Variants in FMN1 observed in about 807,000 individuals in gnomAD.
The protein encoded by FMN1 is formin-1.
Under a neutral mutation model 132.4 loss-of-function variants are expected in FMN1, and 110 were observed. That is an observed-to-expected ratio of 0.83 (90% confidence interval 0.71 to 0.97). The LOEUF (loss-of-function observed/expected upper bound fraction) is 0.97, where lower values mean the gene tolerates loss of function less well. Ranked by LOEUF, FMN1 falls within the 50% of genes least tolerant of loss-of-function variation. FMN1 has a pLI of 0.00. For synonymous variants in FMN1, 722 were observed against 651.7 expected, an observed-to-expected ratio of 1.11 and a Z score of -1.64; for missense variants, 1,792 against 1,705.3, an observed-to-expected ratio of 1.05 and a Z score of -0.90.
chr15:32,931,204 T>C (rs931026882), intron 9 of FMN1, among the ~76,000 whole-genome samples: 18 of 152,220 alleles, frequency 1.2e-4, no homozygotes, highest in African/African-American at 4.3e-4. Flanking sequence ...AATTTTAGGA[T>C]TGTTTTTTCC....
intron 9 of FMN1, among the ~76,000 whole-genome samples, chr15:32,928,592 A>G (rs1254833460): frequency 6.6e-6 from 1 of 152,310 alleles, no homozygotes; most frequent in East Asian, 1.9e-4. Context: ...AAGGCAAATA[A>G]AAGCATCACC....
At chr15:33,026,737 C>G (rs2035695880) in intron 6 of FMN1, among the ~76,000 whole-genome samples, 1 of 152,030 alleles carries the variant, frequency 6.6e-6, no homozygotes, top group South Asian at 2.1e-4. Flanking sequence ...AGGTCAGTCT[C>G]TTAAGAGGCA....
chr15:33,084,108 T>C (rs1595436165), intron 5 of FMN1, among the ~76,000 whole-genome samples: 1 of 152,168 alleles, frequency 6.6e-6, no homozygotes, highest in South Asian at 2.1e-4. Context: ...AATTAAGAAA[T>C]AACTACAGGT....
At chr15:32,979,222 C>CT (rs1258652534) in intron 7 of FMN1, among the ~76,000 whole-genome samples, 1 of 152,116 alleles carries the variant, frequency 6.6e-6, no homozygotes, top group Admixed American at 6.5e-5. Context: ...CTCAAACAAG[C>CT]TTTGATGAGC....
chr15:32,984,963 T>C (rs973960045), intron 7 of FMN1, among the ~76,000 whole-genome samples: 59 of 131,884 alleles, frequency 4.5e-4, no homozygotes, highest in African/African-American at 1.8e-3. Flanking sequence ...TTTTCTCTGT[T>C]TGTTCATCCA....
At position 32,885,473 on chromosome 15, in the gene FMN1, G is replaced by T. The variant is rs1180014699; in HGVS notation, c.3835+2699C>A. ...CGTATCTAGTTTCAAAACTTGACTA[G>T]ATCATCACCTCTGAAACACTGGCAA... On this transcript the variant is annotated intron_variant, in intron 16 of 20. Coordinates refer to ENST00000616417, the MANE Select transcript of FMN1 (RefSeq NM_001277313.2). Among the ~76,000 whole-genome samples, 4 of 152,154 alleles carry T rather than the reference G, an allele frequency of 2.6e-5. 1 individual carries two copies. The highest frequency in any genetic ancestry group is 2.6e-4 in the Admixed American group (4 of 15,270).
Position 33,144,710 on chromosome 15 carries a change from T to C in FMN1, c.1867+8338A>G, listed in dbSNP as rs576228891. On this transcript the variant is annotated intron_variant, in intron 4 of 20. Coordinates refer to ENST00000616417, the MANE Select transcript of FMN1 (RefSeq NM_001277313.2). ...CAATAAAATATCGATAAAGATGCTA[T>C]ATAAGTAAGTGCCTTAAAAAACAAG... is the stretch of plus-strand genomic sequence containing the variant. Among the ~76,000 whole-genome samples, 234 of 149,378 alleles carry C rather than the reference T, an allele frequency of 1.6e-3. 2 individuals carry two copies. Among genetic ancestry groups the C allele is most frequent in the African/African-American group, 5.4e-3 (220 of 40,574 alleles).
At chr15:32,820,746 T>C (rs1372246865) in intron 17 of FMN1, among the ~76,000 whole-genome samples, 2 of 152,218 alleles carry the variant, frequency 1.3e-5, no homozygotes, top group Non-Finnish European at 2.9e-5. Flanking sequence ...GATAATTGTT[T>C]TGTCAAACTT....
chr15:33,021,504 G>A (rs543721161), intron 6 of FMN1, among the ~76,000 whole-genome samples: 56 of 152,144 alleles, frequency 3.7e-4, no homozygotes, highest in Non-Finnish European at 7.5e-4. Context: ...TGGGAGACAT[G>A]AATAGGCTTA....
chr15:33,031,988 A>C (rs1313975419), intron 6 of FMN1, among the ~76,000 whole-genome samples: 1 of 152,250 alleles, frequency 6.6e-6, no homozygotes. Context: ...CAATAAATGT[A>C]ATCATGAAGT....
At chr15:32,903,136 C>A (rs897377546) in intron 12 of FMN1, among the ~76,000 whole-genome samples, 1 of 152,088 alleles carries the variant, frequency 6.6e-6, no homozygotes, top group African/African-American at 2.4e-5. Flanking sequence ...CAATTGATTT[C>A]GTATTTATTC....
At chr15:33,166,400 G>A (rs982036987) in intron 3 of FMN1, among the ~76,000 whole-genome samples, 3 of 151,640 alleles carry the variant, frequency 2.0e-5, no homozygotes, top group Admixed American at 6.6e-5. Flanking sequence ...AATGTATTGC[G>A]GGATAGGATT....
rs1361267834 is a variant in FMN1, at chr15:32,774,223, C to G, written c.*87G>C. 2 of 1,049,228 alleles carry G rather than the reference C, an allele frequency of 1.9e-6. No individual in the cohort carries two copies. Among genetic ancestry groups the G allele is most frequent in the Non-Finnish European group, 2.9e-6 (2 of 698,640 alleles). The allele number at this position is 1,049,228 out of a possible 1,614,324, so 65.0% of individuals were successfully genotyped here. A position where few individuals can be genotyped will look rare whatever the true frequency, so the allele number is the denominator to read the frequency against. Reference sequence around the variant, plus strand: ...AACAAACATTTAGTGACACATCTTTCAAGAACGTCCTGCAACCCTGTGGTC... The same window carrying G: ...AACAAACATTTAGTGACACATCTTTGAAGAACGTCCTGCAACCCTGTGGTC... On this transcript the variant is annotated 3_prime_UTR_variant, in exon 21 of 21. Coordinates refer to ENST00000616417, the MANE Select transcript of FMN1 (RefSeq NM_001277313.2).
chr15:32,923,713 A>T (rs896586720), intron 10 of FMN1, among the ~76,000 whole-genome samples: 16 of 152,202 alleles, frequency 1.1e-4, no homozygotes, highest in Admixed American at 6.5e-5. Flanking sequence ...GTAAACATTC[A>T]ATCTAATAAG....
At chr15:32,811,848 A>G (rs558139032) in intron 17 of FMN1, among the ~76,000 whole-genome samples, 95 of 152,118 alleles carry the variant, frequency 6.2e-4, no homozygotes, top group African/African-American at 2.2e-3. Context: ...TAGTTTCGCC[A>G]TGTTGGCCAG....
chr15:32,884,792 C>T (rs1375550975), intron 16 of FMN1, among the ~76,000 whole-genome samples: 2 of 152,206 alleles, frequency 1.3e-5, no homozygotes, highest in South Asian at 2.1e-4. Context: ...AAATATGGAA[C>T]ATGTTCCCAA....
intron 12 of FMN1, among the ~76,000 whole-genome samples, chr15:32,903,048 A>G (rs2060335148): frequency 6.6e-6 from 1 of 152,234 alleles, no homozygotes; most frequent in Non-Finnish European, 1.5e-5. Flanking sequence ...TTCTATACCG[A>G]AAGATATTTT....
chr15:33,154,411 G>C lies in FMN1; in HGVS notation c.504C>G (p.Ser168Arg). 6.5e-7 allele frequency: 1 copy of C among 1,536,132 alleles called. No homozygotes were observed. The highest frequency in any genetic ancestry group is 8.7e-7 in the Non-Finnish European group (1 of 1,146,924). The change falls in exon 4 of 21, where the codon AGC (serine) becomes AGG (arginine). Residue 168 changes from serine to arginine, a missense_variant. Ser to Arg is a moderately radical substitution (Grantham distance 110, BLOSUM62 -1). Transcript: ENST00000616417. ...KPRRSSGRRE[S>R]FGALPQKRTK... Reference sequence around the variant, plus strand: ...TCCTCTTCTGTGGAAGGGCCCCAAAGCTCTCTCTCCTTCCACTAGACCTCC... The same window carrying C: ...TCCTCTTCTGTGGAAGGGCCCCAAACCTCTCTCTCCTTCCACTAGACCTCC...
In FMN1 at chr15:32,774,276, A is replaced by AC; in HGVS notation, c.*33dup. On this transcript the variant is annotated 3_prime_UTR_variant, in exon 21 of 21. Coordinates refer to ENST00000616417, the MANE Select transcript of FMN1 (RefSeq NM_001277313.2). ...AAAGAGTATGCGTGCAAGGTCCTCC[A>AC]CCTCCAGTGCCATCATTTCCATGTG... 1.3e-6 allele frequency: 2 copies of AC among 1,556,458 alleles called. No homozygotes were observed. Among genetic ancestry groups the AC allele is most frequent in the Non-Finnish European group, 1.8e-6 (2 of 1,135,414 alleles).
Sources: allele counts gnomAD v4.1 joint callset (sites outside exome capture counted in the v4.1 genomes callset), GRCh38; gene constraint gnomAD v4.1.1; transcripts MANE v1.5; gene names NCBI Gene and HGNC (gene_info 2026-07-23, HGNC 2026-07-21).